The following SYBU variants were observed in gnomAD, a reference collection of about 807,000 sequenced individuals.
SYBU encodes GOLSYN A protein.
A neutral mutation model predicts 35.9 loss-of-function variants in SYBU; 21 were observed. The observed-to-expected ratio is 0.58, with a 90% CI of 0.41 to 0.84. The LOEUF (loss-of-function observed/expected upper bound fraction) is 0.84, where lower values mean the gene tolerates loss of function less well. SYBU is among the 40% of genes least tolerant of loss of function. The pLI is 0.00. For missense variants in SYBU, 768 were observed against 848.2 expected, an observed-to-expected ratio of 0.91 and a Z score of 1.17; for synonymous variants, 319 against 324.3, an observed-to-expected ratio of 0.98 and a Z score of 0.18.
At chr8:109,577,110 G>A (rs962765179) in intron 6 of SYBU, among the ~76,000 whole-genome samples, 2 of 152,158 alleles carry the variant, frequency 1.3e-5, no homozygotes, top group African/African-American at 4.8e-5. Flanking sequence ...CCTGCCCACA[G>A]TTTTAGCAAC....
intron 1 of SYBU, among the ~76,000 whole-genome samples, chr8:109,678,089 G>A (rs1462172976): frequency 3.7e-5 from 5 of 134,674 alleles, no homozygotes; most frequent in Non-Finnish European, 4.6e-5. Flanking sequence ...AGCTGAGATC[G>A]CGCCATTGCA....
chr8:109,667,859 G>A (rs1816814154), intron 1 of SYBU, among the ~76,000 whole-genome samples: 3 of 152,048 alleles, frequency 2.0e-5, no homozygotes, highest in African/African-American at 7.2e-5. Flanking sequence ...ATTGTCATGT[G>A]AAAAATTTGA....
chr8:109,650,807 G>A (rs1332328195), intron 1 of SYBU, among the ~76,000 whole-genome samples: 1 of 152,078 alleles, frequency 6.6e-6, no homozygotes, highest in Non-Finnish European at 1.5e-5. Context: ...TTTTTAAAAT[G>A]ATAACTATTT....
intron 4 of SYBU, chr8:109,580,276 A>G (rs1219568313): frequency 4.8e-6 from 2 of 419,554 alleles, no homozygotes; most frequent in Non-Finnish European, 8.9e-6. Context: ...TAGCCTGCTA[A>G]GAACATACAC....
intron 1 of SYBU, among the ~76,000 whole-genome samples, chr8:109,673,001 G>A (rs1009440841): frequency 6.6e-6 from 1 of 152,114 alleles, no homozygotes; most frequent in African/African-American, 2.4e-5. Context: ...CTCTGGACAG[G>A]GCATCTCTGA....
chr8:109,674,514 A>G (rs576260397), intron 1 of SYBU, among the ~76,000 whole-genome samples: 2 of 152,352 alleles, frequency 1.3e-5, no homozygotes, highest in East Asian at 3.9e-4. Context: ...GTCCTGCCTT[A>G]CAAGAGCTCC....
At chr8:109,620,153 C>G (rs1222685826) in intron 2 of SYBU, among the ~76,000 whole-genome samples, 2 of 152,154 alleles carry the variant, frequency 1.3e-5, no homozygotes, top group Admixed American at 6.6e-5. Context: ...TATTGGACCT[C>G]AAAGCCAAAT....
In SYBU at chr8:109,621,166, T is replaced by C. The variant is rs559366692; in HGVS notation, c.230-2127A>G. On this transcript the variant is annotated intron_variant, in intron 2 of 6. Transcript: ENST00000276646. ...ACTCACAGGGATAAAATTAAACAAT[T>C]TCCAGCATTGAGAAATGCTATCAAA... Among the ~76,000 whole-genome samples the C allele has an allele frequency of 6.6e-5, 10 of 152,318 alleles. No homozygotes were observed. In the East Asian group the frequency reaches 9.6e-4, roughly 15 times the overall value.
intron 1 of SYBU, among the ~76,000 whole-genome samples, chr8:109,672,494 G>A (rs1817021127): frequency 6.6e-6 from 1 of 152,214 alleles, no homozygotes. Flanking sequence ...ATGGTGCATT[G>A]AGGCCCAGAT....
intron 1 of SYBU, among the ~76,000 whole-genome samples, chr8:109,663,155 G>A (rs889700550): frequency 1.3e-5 from 2 of 151,920 alleles, no homozygotes; most frequent in Non-Finnish European, 2.9e-5. Flanking sequence ...CACAAATATC[G>A]AATGAATTAT....
chr8:109,582,222 GA>G (rs1397730891), intron 4 of SYBU, among the ~76,000 whole-genome samples: 1 of 152,158 alleles, frequency 6.6e-6, no homozygotes, highest in Non-Finnish European at 1.5e-5. Flanking sequence ...GGTGCTTTCT[GA>G]ATATTGATCA....
At chr8:109,622,217 CTATCTATCATCT>C (rs1179447634) in intron 2 of SYBU, among the ~76,000 whole-genome samples, 2 of 145,086 alleles carry the variant, frequency 1.4e-5, no homozygotes, top group African/African-American at 5.4e-5. Context: ...ATCTATCTAT[CTATCTATCATCT>C]ATCTATCTAT....
At position 109,580,000 on chromosome 8, in the gene SYBU, C is replaced by T. The variant is rs1450875106; in HGVS notation, c.533G>A (p.Arg178Gln). 8 of 1,612,330 alleles carry T rather than the reference C, an allele frequency of 5.0e-6. No homozygotes were observed. Among genetic ancestry groups the T allele is most frequent in the Admixed American group, 1.7e-5 (1 of 60,026 alleles). The part of the protein sequence containing the change: ...GSKRSSSSRN[R>Q]GPHGRSNGAS... ...TCCATTACTCCGCCCATGAGGACCT[C>T]GACTGGGAGAAAAGAATGAAAAATG... The change falls in exon 5 of 7, where the codon CGA becomes CAA. Residue 178 changes from arginine to glutamine, a missense_variant and splice_region_variant. Arg to Gln is a conservative substitution (Grantham distance 43, BLOSUM62 1). Transcript: ENST00000276646.
intron 3 of SYBU, among the ~76,000 whole-genome samples, chr8:109,591,185 C>G (rs149358488): frequency 1.3e-5 from 2 of 152,228 alleles, no homozygotes; most frequent in Non-Finnish European, 2.9e-5. Flanking sequence ...GAAAAGATAT[C>G]AAACACCTGT....
intron 2 of SYBU, among the ~76,000 whole-genome samples, chr8:109,623,189 C>T (rs1812629426): frequency 1.3e-5 from 2 of 152,176 alleles, no homozygotes; most frequent in Admixed American, 1.3e-4. Flanking sequence ...GGGACAATTT[C>T]CTTCCAGGGG....
At chr8:109,610,086 C>T (rs764633382) in intron 3 of SYBU, among the ~76,000 whole-genome samples, 1 of 152,150 alleles carries the variant, frequency 6.6e-6, no homozygotes, top group South Asian at 2.1e-4. Flanking sequence ...CACCACCTGC[C>T]ACCCCATCCC....
At chr8:109,646,896 T>G (rs1157926574), upstream of SYBU, 6 of 152,236 alleles carry the variant, frequency 3.9e-5, no homozygotes, top group Admixed American at 3.9e-4. Flanking sequence ...CTGTCCACTA[T>G]TTGTCTCCAT....
At chr8:109,690,275 A>C (rs1817617113) in intron 1 of SYBU, among the ~76,000 whole-genome samples, 1 of 152,210 alleles carries the variant, frequency 6.6e-6, no homozygotes, top group Non-Finnish European at 1.5e-5. Context: ...CTGCTCTCCA[A>C]ATGTACAAGT....
In SYBU at chr8:109,575,584, G is replaced by T; in HGVS notation, c.1314C>A (p.Ser438Arg). 1 of 1,614,104 alleles carries T rather than the reference G, an allele frequency of 6.2e-7. No individual in the cohort carries two copies. Among genetic ancestry groups the T allele is most frequent in the South Asian group, 1.1e-5 (1 of 91,084 alleles). Reference protein sequence around the residue: ...ELLVGDSIANSTDLFDEIVTA... With the variant: ...ELLVGDSIANRTDLFDEIVTA... ...TCACTATCTCATCGAACAAATCTGT[G>T]CTGTTGGCTATGCTATCTCCTACCA... Residue 438 changes from serine to arginine, a missense_variant, in exon 7 of 7, where the codon AGC (serine) becomes AGA (arginine). By Grantham distance (110) the Ser-to-Arg change is moderately radical. Coordinates refer to ENST00000276646, the MANE Select transcript of SYBU (RefSeq NM_001099754.2).
Sources: gnomAD v4.1 joint callset for allele counts (sites outside exome capture counted in the v4.1 genomes callset) on GRCh38, gnomAD v4.1.1 for gene constraint, MANE v1.5 for transcripts, NCBI Gene and HGNC (gene_info 2026-07-23, HGNC 2026-07-21) for gene names.